CACNB4: variants seen among roughly 807,000 people sequenced by gnomAD.
CACNB4 encodes the protein voltage-dependent L-type calcium channel subunit beta-4.
In CACNB4, 32 loss-of-function variants were observed where a neutral mutation model predicts 71.2. The observed-to-expected ratio is 0.45, with a 90% CI of 0.34 to 0.60. CACNB4 has a LOEUF of 0.60. CACNB4 is among the 20% of genes least tolerant of loss of function. CACNB4 has a pLI of 0.01. For missense variants in CACNB4, 464 were observed against 647.9 expected (o/e 0.72, Z 3.08); for synonymous variants, 231 against 236.9 (o/e 0.97, Z 0.23).
chr2:151,950,552 CA>C (rs2099866670), intron 2 of CACNB4, among the ~76,000 whole-genome samples: 1 of 152,102 alleles, frequency 6.6e-6, no homozygotes, highest in African/African-American at 2.4e-5. Context: ...TCACAATCAC[CA>C]AAAGGTTGAA....
At position 152,098,671 on chromosome 2, in the gene CACNB4, G is replaced by A. The variant is rs1234666396; in HGVS notation, c.64-258C>T. ...CCATTAACAAAGACTCTCAGGGTGC[G>A]GGGTCCGAGTCCCCGGCATCCGCTG... On this transcript the variant is annotated intron_variant, in intron 1 of 13. Transcript: ENST00000539935. The surrounding 1 kb of genome is among the most constrained non-coding windows in gnomAD (Gnocchi z 5.3). 6.4e-7 allele frequency: 1 copy of A among 1,568,296 alleles called. No homozygotes were observed. The highest frequency in any genetic ancestry group is 8.6e-7 in the Non-Finnish European group (1 of 1,156,700).
intron 2 of CACNB4, among the ~76,000 whole-genome samples, chr2:151,992,524 C>CA (rs1681766108): frequency 6.6e-6 from 1 of 152,212 alleles, no homozygotes; most frequent in African/African-American, 2.4e-5. Context: ...CTGGAAGGAA[C>CA]AACTAAGTGT....
intron 2 of CACNB4, among the ~76,000 whole-genome samples, chr2:151,986,598 A>G (rs148125862): frequency 1.2e-3 from 176 of 152,354 alleles, no homozygotes; most frequent in African/African-American, 4.0e-3. Context: ...CATCAACCTC[A>G]TATAACCTGG....
chr2:151,875,385 G>A (rs1195799578), intron 5 of CACNB4, among the ~76,000 whole-genome samples: 7 of 150,824 alleles, frequency 4.6e-5, no homozygotes, highest in Non-Finnish European at 1.0e-4. Flanking sequence ...AGTCTCCCAT[G>A]TCTACTTCTT....
At chr2:152,020,732 G>T (rs72998949) in intron 2 of CACNB4, among the ~76,000 whole-genome samples, 6 of 152,074 alleles carry the variant, frequency 3.9e-5, no homozygotes, top group Non-Finnish European at 8.8e-5. Flanking sequence ...TGCTGGTAAC[G>T]GGGTTAGAAT....
At chr2:151,955,394 G>A (rs1213638123) in intron 2 of CACNB4, among the ~76,000 whole-genome samples, 1 of 152,136 alleles carries the variant, frequency 6.6e-6, no homozygotes, top group Non-Finnish European at 1.5e-5. Context: ...GGAGTTGAGG[G>A]AAGGAAGGCA....
chr2:151,966,332 T>G (rs1169386324), intron 2 of CACNB4, among the ~76,000 whole-genome samples: 1 of 152,092 alleles, frequency 6.6e-6, no homozygotes, highest in Non-Finnish European at 1.5e-5. Context: ...CAGGCTGGAG[T>G]GTAATGGCGT....
At chr2:152,052,109 T>C (rs1685466288) in intron 2 of CACNB4, among the ~76,000 whole-genome samples, 1 of 152,224 alleles carries the variant, frequency 6.6e-6, no homozygotes, top group African/African-American at 2.4e-5. Flanking sequence ...AAATTGAAAT[T>C]GCATTTAACA....
chr2:151,957,624 C>T (rs764133192), intron 2 of CACNB4, among the ~76,000 whole-genome samples: 1 of 152,136 alleles, frequency 6.6e-6, no homozygotes, highest in Non-Finnish European at 1.5e-5. Context: ...ATAATTTGAC[C>T]CAGTATTTCT....
chr2:151,961,604 C>A (rs1211104833), intron 2 of CACNB4, among the ~76,000 whole-genome samples: 1 of 152,158 alleles, frequency 6.6e-6, no homozygotes, highest in Non-Finnish European at 1.5e-5. Context: ...TTAAGAATGG[C>A]TTCAGGCTGA....
Position 152,098,731 on chromosome 2 carries a change from G to A in CACNB4, c.63+218C>T, listed in dbSNP as rs1688426377. The A allele has an allele frequency of 3.2e-6, 5 of 1,543,960 alleles. No homozygotes were observed. In the East Asian group the frequency reaches 1.2e-4, roughly 38 times the overall value. On this transcript the variant is annotated intron_variant, in intron 1 of 13. Coordinates refer to ENST00000539935, the MANE Select transcript of CACNB4 (RefSeq NM_000726.5). The surrounding 1 kb of genome is among the most constrained non-coding windows in gnomAD (Gnocchi z 5.3). ...GCGGGCTCCGGAGCGGGAGCGCAGAGACCCGAAGGAGGGTGAGGAGGAGGA... is the reference window on the plus strand; with the variant it reads ...GCGGGCTCCGGAGCGGGAGCGCAGAAACCCGAAGGAGGGTGAGGAGGAGGA...
intron 2 of CACNB4, among the ~76,000 whole-genome samples, chr2:151,942,448 T>C (rs1014110093): frequency 3.4e-5 from 5 of 149,052 alleles, no homozygotes; most frequent in Non-Finnish European, 7.3e-5. Flanking sequence ...TACAAATTGA[T>C]TGTAAAACAT....
chr2:152,082,789 T>C (rs1291069652), intron 2 of CACNB4, among the ~76,000 whole-genome samples: 2 of 152,212 alleles, frequency 1.3e-5, no homozygotes, highest in Non-Finnish European at 2.9e-5. Flanking sequence ...AAATAAATTG[T>C]TACAACAGAA....
intron 2 of CACNB4, among the ~76,000 whole-genome samples, chr2:151,942,855 C>T (rs770322608): frequency 5.6e-4 from 86 of 152,262 alleles, no homozygotes; most frequent in Non-Finnish European, 1.0e-3. Flanking sequence ...TCTCTGCTCT[C>T]GAACCCTGTT....
chr2:151,977,669 A>C (rs1254090918), intron 2 of CACNB4, among the ~76,000 whole-genome samples: 1 of 152,180 alleles, frequency 6.6e-6, no homozygotes, highest in Non-Finnish European at 1.5e-5. Flanking sequence ...ATCAAGACAA[A>C]CTGGTGCAGA....
At chr2:151,904,904 T>C (rs887278192) in intron 2 of CACNB4, among the ~76,000 whole-genome samples, 2 of 152,232 alleles carry the variant, frequency 1.3e-5, no homozygotes, top group Non-Finnish European at 2.9e-5. Flanking sequence ...ATTACTTAGC[T>C]GTGTGGTAAG....
chr2:151,933,539 A>G (rs1056950409), intron 2 of CACNB4, among the ~76,000 whole-genome samples: 3 of 152,054 alleles, frequency 2.0e-5, no homozygotes, highest in African/African-American at 4.8e-5. Flanking sequence ...CAAAAAGACC[A>G]AGCAATGCAT....
chr2:151,952,340 G>A (rs1217841432), intron 2 of CACNB4, among the ~76,000 whole-genome samples: 1 of 152,140 alleles, frequency 6.6e-6, no homozygotes, highest in Non-Finnish European at 1.5e-5. Flanking sequence ...AGGATTCTGA[G>A]GGTTATTATT....
intron 2 of CACNB4, among the ~76,000 whole-genome samples, chr2:152,066,093 C>T (rs1686302961): frequency 1.3e-5 from 2 of 152,282 alleles, no homozygotes; most frequent in Admixed American, 1.3e-4. Context: ...ACTTCGCAAC[C>T]TCTCAGCCCC....
Sources: gnomAD v4.1 joint callset for allele counts (sites outside exome capture counted in the v4.1 genomes callset) on GRCh38, gnomAD v4.1.1 for gene constraint, Gnocchi (gnomAD v3.1) non-coding constraint, MANE v1.5 for transcripts, NCBI Gene and HGNC (gene_info 2026-07-23, HGNC 2026-07-21) for gene names.